Variants in RBFOX1 observed in about 807,000 individuals in gnomAD.
The protein encoded by RBFOX1 is RNA binding fox-1 homolog 1.
A neutral mutation model predicts 57.7 loss-of-function variants in RBFOX1; 8 were observed. That is an observed-to-expected ratio of 0.14 (90% CI 0.08 to 0.25). The LOEUF is 0.25. Among genes scored for constraint, RBFOX1 ranks in the 10% least tolerant of loss-of-function variants. The pLI is 1.00. For missense variants in RBFOX1, 611 were observed against 548.5 expected (o/e 1.11, Z -1.14); for synonymous variants, 326 against 222.4 (o/e 1.47, Z -4.15).
chr16:7,313,015 G>A (rs1317737100), intron 4 of RBFOX1, among the ~76,000 whole-genome samples: 1 of 152,014 alleles, frequency 6.6e-6, no homozygotes, highest in East Asian at 2.0e-4. Flanking sequence ...TTCATGCCCT[G>A]GATCTGTTGT....
At chr16:6,934,810 G>C (rs150947641) in intron 3 of RBFOX1, among the ~76,000 whole-genome samples, 1,820 of 152,268 alleles carry the variant, frequency 0.012, 40 homozygotes, top group African/African-American at 0.041. Flanking sequence ...TTTAAGCCAG[G>C]TGCGGTGGCT....
chr16:7,252,180 AAGG>A (rs552792451), intron 4 of RBFOX1, among the ~76,000 whole-genome samples: 19 of 152,234 alleles, frequency 1.2e-4, no homozygotes, highest in Non-Finnish European at 2.5e-4. Context: ...CATCATCAAA[AAGG>A]AGGAAGGAGC....
chr16:5,297,357 T>C (rs1567297501), intron 1 of RBFOX1, among the ~76,000 whole-genome samples: 1 of 152,234 alleles, frequency 6.6e-6, no homozygotes, highest in Non-Finnish European at 1.5e-5. Flanking sequence ...CTAATTTACA[T>C]TCCCAAGACA....
intron 1 of RBFOX1, among the ~76,000 whole-genome samples, chr16:6,101,724 C>G (rs1025806332): frequency 3.2e-4 from 48 of 152,130 alleles, no homozygotes; most frequent in African/African-American, 1.2e-3. Context: ...GAATTTGAGA[C>G]CAGCCTGGCC....
chr16:6,893,985 CA>C (rs1270804194), intron 3 of RBFOX1, among the ~76,000 whole-genome samples: 1 of 152,044 alleles, frequency 6.6e-6, no homozygotes, highest in African/African-American at 2.4e-5. Flanking sequence ...TCTAATATCC[CA>C]AAGACAGTGC....
At chr16:6,177,705 C>T (rs2097023610) in intron 1 of RBFOX1, among the ~76,000 whole-genome samples, 2 of 152,106 alleles carry the variant, frequency 1.3e-5, no homozygotes, top group Non-Finnish European at 2.9e-5. Context: ...CAGGATTTTA[C>T]TCACTGATAT....
intron 4 of RBFOX1, among the ~76,000 whole-genome samples, chr16:7,252,392 G>C (rs750145028): frequency 1.3e-5 from 2 of 152,184 alleles, no homozygotes; most frequent in Non-Finnish European, 2.9e-5. Context: ...CATCTGGCTG[G>C]GGCAGAGGTC....
chr16:6,920,030 T>C (rs768286230), intron 3 of RBFOX1, among the ~76,000 whole-genome samples: 3 of 152,056 alleles, frequency 2.0e-5, no homozygotes, highest in African/African-American at 7.2e-5. Flanking sequence ...ACGGAAAATA[T>C]GATATTTGTT....
chr16:6,617,972 G>A (rs370059084), intron 2 of RBFOX1, among the ~76,000 whole-genome samples: 63 of 152,278 alleles, frequency 4.1e-4, no homozygotes, highest in African/African-American at 1.4e-3. Flanking sequence ...TCTTGCAAGT[G>A]CTTTCAGAAG....
At chr16:7,357,021 G>A (rs559580497) in intron 4 of RBFOX1, among the ~76,000 whole-genome samples, 1 of 152,278 alleles carries the variant, frequency 6.6e-6, no homozygotes, top group African/African-American at 2.4e-5. Flanking sequence ...CCAGCAGAAA[G>A]CTTTTGGGCT....
chr16:7,139,172 C>CTGTGTGTG (rs1466048089), intron 4 of RBFOX1, among the ~76,000 whole-genome samples: 8 of 16,586 alleles, frequency 4.8e-4, no homozygotes, highest in African/African-American at 1.7e-3. Context: ...AAATCAATCT[C>CTGTGTGTG]TCTCTGTGTG....
chr16:6,142,224 CT>C lies in RBFOX1; in HGVS notation c.-127+122246del, dbSNP rs796460008. On this transcript the variant is annotated intron_variant, in intron 1 of 15. Transcript: ENST00000550418. ...AAAAAAAAAAAAAAAAAATCCAACT[CT>C]TTTTTTTTTTTTTGGAGACGGAGTC... 8.3e-3 allele frequency among the ~76,000 whole-genome samples: 854 copies of C among 102,990 alleles called. 12 individuals are homozygous for C. The highest frequency in any genetic ancestry group is 0.026 in the African/African-American group (732 of 27,816). 67.6% of individuals were successfully genotyped at this position (102,990 alleles called of 152,430 possible).
intron 14 of RBFOX1, chr16:7,693,413 A>AT: frequency 2.0e-6 from 2 of 1,002,720 alleles, no homozygotes; most frequent in Admixed American, 2.7e-5. Flanking sequence ...AAGTCTCAGT[A>AT]TCCTTTTTTT....
intron 4 of RBFOX1, among the ~76,000 whole-genome samples, chr16:7,453,172 T>C (rs138823254): frequency 3.3e-5 from 5 of 150,938 alleles, no homozygotes; most frequent in Non-Finnish European, 5.9e-5. Flanking sequence ...ACATGCTACA[T>C]TGTTTGGTAG....
intron 2 of RBFOX1, among the ~76,000 whole-genome samples, chr16:6,531,157 C>G (rs1488716898): frequency 2.0e-5 from 3 of 152,192 alleles, no homozygotes; most frequent in African/African-American, 7.2e-5. Flanking sequence ...TGTTTCCCTG[C>G]TTCCCTTATT....
chr16:6,735,086 A>G (rs1053031471), intron 3 of RBFOX1, among the ~76,000 whole-genome samples: 11 of 152,110 alleles, frequency 7.2e-5, no homozygotes, highest in African/African-American at 2.7e-4. Flanking sequence ...TCAAGGCTTC[A>G]GCGAGCCATG....
rs185936962 is a variant in RBFOX1 at position 6,905,102 on chromosome 16, T to G, written c.-15-146955T>G. Among the ~76,000 whole-genome samples the G allele has an allele frequency of 2.9e-3, 444 of 152,254 alleles. 4 individuals carry two copies. The highest frequency in any genetic ancestry group is 9.9e-3 in the African/African-American group (410 of 41,556). On this transcript the variant is annotated intron_variant, in intron 3 of 15. Transcript: ENST00000550418. ...TTTCTTCCCTGGGAGTCAGTGTTGT[T>G]AAAAAATCCAAAAAGACTGTTTTGC...
intron 3 of RBFOX1, among the ~76,000 whole-genome samples, chr16:6,878,100 G>C (rs2062178562): frequency 6.6e-6 from 1 of 152,156 alleles, no homozygotes; most frequent in South Asian, 2.1e-4. Context: ...GAGATATATG[G>C]TGGCGTGTAT....
intron 4 of RBFOX1, chr16:7,304,365 C>A: frequency 4.1e-6 from 4 of 985,364 alleles, no homozygotes; most frequent in South Asian, 9.4e-5. Context: ...CACTCGGGCT[C>A]GGCGGGCGCC....
Sources: allele counts gnomAD v4.1 joint callset (sites outside exome capture counted in the v4.1 genomes callset), GRCh38; gene constraint gnomAD v4.1.1; transcripts MANE v1.5; gene names NCBI Gene and HGNC (gene_info 2026-07-23, HGNC 2026-07-21).